Variants in CBLC observed in about 807,000 individuals in gnomAD.
CBLC encodes the protein E3 ubiquitin-protein ligase CBL-C.
In CBLC, 46 loss-of-function variants were observed where a neutral mutation model predicts 58.6. The observed-to-expected ratio is 0.79, with a 90% CI of 0.62 to 1.00. CBLC has a LOEUF of 1.00. Among genes scored for constraint, CBLC ranks in the 50% least tolerant of loss-of-function variants. CBLC has a pLI of 0.00. For synonymous variants in CBLC, 271 were observed against 264.2 expected, an observed-to-expected ratio of 1.03 and a Z score of -0.25; for missense variants, 655 against 625.8, an observed-to-expected ratio of 1.05 and a Z score of -0.50.
intron 1 of CBLC, among the ~76,000 whole-genome samples, chr19:44,780,149 T>A (rs1967681706): frequency 6.6e-6 from 1 of 152,018 alleles, no homozygotes; most frequent in Non-Finnish European, 1.5e-5. Context: ...TTTTTTTTTT[T>A]TTTTAGACAT....
At position 44,790,099 on chromosome 19, in the gene CBLC, C is replaced by G. The variant is rs1968008412; in HGVS notation, c.1005+8C>G. 1 of 1,606,692 alleles carries G rather than the reference C, an allele frequency of 6.2e-7. No homozygotes were observed. Among genetic ancestry groups the G allele is most frequent in the Non-Finnish European group, 8.5e-7 (1 of 1,173,256 alleles). ...CGCATCCACGTGTCAGAGGTGAGAC[C>G]CGCACCTGCACCCGCAGTCCCAGTT... On this transcript the variant is annotated splice_region_variant and intron_variant, in intron 6 of 10. Transcript: ENST00000647358.
chr19:44,778,087 G>A lies in CBLC; in HGVS notation c.156G>A (p.Ala52=). Residue 52 remains alanine, a synonymous_variant, in exon 1 of 11, where the codon GCG becomes GCA. Transcript: ENST00000647358. ...TGCGGGACCTGCTGCCCCGCACAGC[G>A]CAGCTGCTTCGAGAGGTGGCCCATT... ...PSLRDLLPRT[A]QLLREVAHSR... is the part of the protein sequence containing the mutation. 3.7e-6 allele frequency: 6 copies of A among 1,607,212 alleles called. No individual in the cohort carries two copies. Among genetic ancestry groups the A allele is most frequent in the Non-Finnish European group, 4.2e-6 (5 of 1,179,174 alleles).
At chr19:44,788,799 G>A (rs750235429) in intron 5 of CBLC, among the ~76,000 whole-genome samples, 3 of 152,114 alleles carry the variant, frequency 2.0e-5, no homozygotes, top group African/African-American at 4.8e-5. Context: ...CACTGTACCC[G>A]GCCAGCACTG....
intron 4 of CBLC, among the ~76,000 whole-genome samples, chr19:44,783,777 T>C (rs1209022361): frequency 6.6e-6 from 1 of 152,220 alleles, no homozygotes; most frequent in Non-Finnish European, 1.5e-5. Context: ...AATCAGTTCC[T>C]GTTCATCCCC....
At chr19:44,786,211 G>C (rs1188258883) in intron 5 of CBLC, among the ~76,000 whole-genome samples, 1 of 151,880 alleles carries the variant, frequency 6.6e-6, no homozygotes, top group Non-Finnish European at 1.5e-5. Context: ...AGGACTACAG[G>C]TGCACGCCAC....
intron 7 of CBLC, 50 bp downstream of exon 7, chr19:44,792,564 A>T: frequency 6.7e-7 from 1 of 1,496,296 alleles, no homozygotes; most frequent in African/African-American, 1.4e-5. Context: ...CCCTCTCTAC[A>T]GGGAAAGCCC....
intron 3 of CBLC, 43 bp downstream of exon 3, chr19:44,781,406 G>A (rs1366588847): frequency 6.4e-7 from 1 of 1,572,954 alleles, no homozygotes; most frequent in Non-Finnish European, 8.6e-7. Context: ...GGGTCCAGGA[G>A]GAAGTAGAGG....
Position 44,792,660 on chromosome 19 carries a change from C to G in CBLC, c.1137+146C>G, listed in dbSNP as rs562100461. 330 of 744,948 alleles carry G rather than the reference C, an allele frequency of 4.4e-4. 1 individual carries two copies. Among genetic ancestry groups the G allele is most frequent in the Non-Finnish European group, 6.0e-4 (298 of 495,382 alleles). 46.1% of individuals were successfully genotyped at this position (744,948 alleles called of 1,614,324 possible). ...AGCTGATGGCAACCACTCAGGAGCCCGGCTGTCTTTCCCAGGGCCTCTGGT... is the reference window on the plus strand; with the variant it reads ...AGCTGATGGCAACCACTCAGGAGCCGGGCTGTCTTTCCCAGGGCCTCTGGT... On this transcript the variant is annotated intron_variant, in intron 7 of 10. Coordinates refer to ENST00000647358, the MANE Select transcript of CBLC (RefSeq NM_012116.4).
Position 44,799,711 on chromosome 19 carries a change from A to AGG in CBLC, c.1363-668_1363-667dup, listed in dbSNP as rs201847390. On this transcript the variant is annotated intron_variant, in intron 9 of 10. Transcript: ENST00000647358. ...AGTAAAGAAAGAGAGAGAGAAAGAA[A>AGG]GGGAGAGAAAGAAGGAGGGAGAGAG... is the stretch of plus-strand genomic sequence containing the variant. Among the ~76,000 whole-genome samples the AGG allele has an allele frequency of 6.4e-3, 969 of 150,738 alleles. 9 individuals carry two copies. Among genetic ancestry groups the AGG allele is most frequent in the African/African-American group, 0.022 (907 of 40,796 alleles).
At chr19:44,778,313 CTG>C (rs1378120288) in intron 1 of CBLC, 29 bp downstream of exon 1, 1 of 1,403,950 alleles carries the variant, frequency 7.1e-7, no homozygotes, top group East Asian at 2.8e-5. Flanking sequence ...ACAAAGTCCT[CTG>C]GGGTGAGGCC....
intron 6 of CBLC, among the ~76,000 whole-genome samples, 184 bp from the exon 7 acceptor site, chr19:44,792,199 G>A (rs1257041376): frequency 2.0e-5 from 3 of 151,792 alleles, no homozygotes; most frequent in South Asian, 2.1e-4. Context: ...TCAACATGTT[G>A]ACCAGGCTGG....
chr19:44,794,220 C>T lies in CBLC; in HGVS notation c.1301C>T (p.Pro434Leu). 7 of 1,612,392 alleles carry T rather than the reference C, an allele frequency of 4.3e-6. No homozygotes were observed. Among genetic ancestry groups the T allele is most frequent in the Non-Finnish European group, 5.9e-6 (7 of 1,179,264 alleles). ...CCACCCCAGGTGCCCCTTTCGGCTC[C>T]TCCATTGCCCCCACGGCCAGATCTG... ...LELGQVPLSA[P>L]PLPPRPDLPP... The change falls in exon 9 of 11, where the codon CCT becomes CTT. Residue 434 changes from proline (P) to leucine (L), a missense_variant. Physicochemically the swap from Pro to Leu is moderately conservative, Grantham distance 98. Around this residue, in one of 3 missense-constraint regions of CBLC, gnomAD observed 371 missense variants for 370.8 expected, o/e 1.00. Coordinates refer to ENST00000647358, the MANE Select transcript of CBLC (RefSeq NM_012116.4).
chr19:44,781,137 T>C (rs1967717081), intron 2 of CBLC, 70 bp from the exon 3 acceptor site: 1 of 1,573,564 alleles, frequency 6.4e-7, no homozygotes. Context: ...GCTGCTTCTT[T>C]CCTGGAGACC....
chr19:44,786,103 T>G (rs1380627522), intron 5 of CBLC, among the ~76,000 whole-genome samples: 2 of 151,858 alleles, frequency 1.3e-5, no homozygotes, highest in Non-Finnish European at 2.9e-5. Context: ...CTGGCCAATT[T>G]ATAGTAATTA....
In CBLC at chr19:44,800,387, C is replaced by G; in HGVS notation, c.1369C>G (p.Leu457Val). 6.2e-7 allele frequency: 1 copy of G among 1,612,108 alleles called. No individual in the cohort carries two copies. Among genetic ancestry groups the G allele is most frequent in the South Asian group, 1.1e-5 (1 of 91,048 alleles). The part of the protein sequence containing the change: ...PRNAQPKVRL[L>V]KGNSPPAALG... ...CAAAATATCTCCATTGCAGAGACTCCTAAAGGGGAACTCCCCTCCAGCTGC... is the reference window on the plus strand; with the variant it reads ...CAAAATATCTCCATTGCAGAGACTCGTAAAGGGGAACTCCCCTCCAGCTGC... The change falls in exon 10 of 11, where the codon CTA (leucine) becomes GTA (valine). Residue 457 changes from leucine to valine, a missense_variant. Physicochemically the swap from Leu to Val is conservative, Grantham distance 32. Transcript: ENST00000647358.
At chr19:44,795,203 C>T (rs962803448) in intron 9 of CBLC, among the ~76,000 whole-genome samples, 39 of 151,674 alleles carry the variant, frequency 2.6e-4, no homozygotes, top group Admixed American at 8.5e-4. Flanking sequence ...GCTGATCCAC[C>T]GCCTTGGCCT....
rs768709265 is a variant in CBLC, at chr19:44,793,441, A to T, written c.1138-33A>T. 1.9e-6 allele frequency: 3 copies of T among 1,567,590 alleles called. No homozygotes were observed. The Admixed American group carries it at 5.8e-5, about 30-fold the overall frequency. On this transcript the variant is annotated intron_variant, in intron 7 of 10. Transcript: ENST00000647358. ...CAAGGGACAGGATGGAGAGCAGGGG[A>T]GCACTGACCCTTTCCCTCCCGACCT...
intron 7 of CBLC, 36 bp downstream of exon 7, chr19:44,792,550 C>G (rs1286523064): frequency 6.5e-7 from 1 of 1,535,588 alleles, no homozygotes; most frequent in Non-Finnish European, 8.7e-7. Flanking sequence ...CCCCTCTGGT[C>G]TCCCCCTCTC....
intron 5 of CBLC, 102 bp from the exon 6 acceptor site, chr19:44,789,902 C>T: frequency 1.3e-6 from 1 of 793,980 alleles, no homozygotes; most frequent in Non-Finnish European, 2.2e-6. Context: ...AGATCCTCAA[C>T]TCAGGGAAAT....
Sources: gnomAD v4.1 joint callset for allele counts (sites outside exome capture counted in the v4.1 genomes callset) on GRCh38, gnomAD v4.1.1 for gene constraint, gnomAD v4.1.1 regional missense constraint, MANE v1.5 for transcripts, NCBI Gene and HGNC (gene_info 2026-07-23, HGNC 2026-07-21) for gene names.